The following NELL1 variants were observed in gnomAD, a reference collection of about 807,000 sequenced individuals.
The protein encoded by NELL1 is neural EGFL like 1.
Under a neutral mutation model 107.4 loss-of-function variants are expected in NELL1, and 76 were observed. That is an observed-to-expected ratio of 0.71 (90% CI 0.59 to 0.86). NELL1 has a LOEUF of 0.86. Ranked by LOEUF, NELL1 falls within the 40% of genes least tolerant of loss-of-function variation. The pLI is 0.00. For synonymous variants in NELL1, 353 were observed against 341.2 expected, an observed-to-expected ratio of 1.03 and a Z score of -0.38; for missense variants, 1,024 against 1,005.5, an observed-to-expected ratio of 1.02 and a Z score of -0.25.
chr11:20,801,110 G>C (rs1257568746), intron 3 of NELL1, among the ~76,000 whole-genome samples: 4 of 152,140 alleles, frequency 2.6e-5, no homozygotes, highest in Non-Finnish European at 4.4e-5. Flanking sequence ...TCACCATAAG[G>C]TCATGTGTCA....
chr11:21,322,235 T>C (rs1850027783), intron 14 of NELL1, among the ~76,000 whole-genome samples: 1 of 152,182 alleles, frequency 6.6e-6, no homozygotes, highest in African/African-American at 2.4e-5. Flanking sequence ...TAAAAGACCC[T>C]GCTTCATGTC....
At chr11:20,749,540 G>A (rs1403671566) in intron 2 of NELL1, among the ~76,000 whole-genome samples, 2 of 152,122 alleles carry the variant, frequency 1.3e-5, no homozygotes, top group African/African-American at 4.8e-5. Context: ...GGTTGAGGCT[G>A]CAGTAAGCTG....
intron 12 of NELL1, among the ~76,000 whole-genome samples, chr11:21,101,594 GATGA>G (rs1323639537): frequency 6.6e-6 from 1 of 151,684 alleles, no homozygotes; most frequent in Non-Finnish European, 1.5e-5. Flanking sequence ...GGCCAGTGAT[GATGA>G]GCATTTTTTC....
chr11:21,340,597 G>C (rs1233619642), intron 14 of NELL1, among the ~76,000 whole-genome samples: 2 of 150,114 alleles, frequency 1.3e-5, no homozygotes, highest in African/African-American at 4.9e-5. Flanking sequence ...GGTAGGGTGG[G>C]CACCTAACCC....
intron 12 of NELL1, among the ~76,000 whole-genome samples, chr11:21,042,442 C>T (rs571591958): frequency 6.6e-6 from 1 of 152,224 alleles, no homozygotes; most frequent in South Asian, 2.1e-4. Flanking sequence ...GGACAAGGGG[C>T]TAAGAAAATG....
At chr11:21,402,553 T>C (rs565773655) in intron 15 of NELL1, among the ~76,000 whole-genome samples, 1 of 151,816 alleles carries the variant, frequency 6.6e-6, no homozygotes, top group African/African-American at 2.4e-5. Flanking sequence ...TTGCCAAGTA[T>C]GATCATAAGG....
intron 15 of NELL1, among the ~76,000 whole-genome samples, chr11:21,509,955 T>G (rs2133943109): frequency 6.6e-6 from 1 of 152,304 alleles, no homozygotes; most frequent in South Asian, 2.1e-4. Context: ...CTATTACCAT[T>G]TATATTTTTA....
intron 12 of NELL1, among the ~76,000 whole-genome samples, chr11:21,008,642 A>T (rs1460740677): frequency 6.6e-6 from 1 of 152,078 alleles, no homozygotes; most frequent in Non-Finnish European, 1.5e-5. Context: ...TGGGAGAGAT[A>T]ATTATAGGGA....
rs549465298 is a variant in NELL1, at chr11:21,369,103, A to G, written c.1550-1750A>G. Among the ~76,000 whole-genome samples the G allele has an allele frequency of 6.6e-5, 10 of 152,230 alleles. No individual in the cohort carries two copies. The South Asian group carries it at 1.9e-3, about 28-fold the overall frequency. On this transcript the variant is annotated intron_variant, in intron 14 of 19. Coordinates refer to ENST00000357134, the MANE Select transcript of NELL1 (RefSeq NM_006157.5). ...GGTCTGCAAAACTTAGATGAAGTGC[A>G]GTTTCAACTCTGCACTAAAGAAACC...
intron 2 of NELL1, chr11:20,770,790 A>C (rs997928293): frequency 2.0e-5 from 3 of 152,206 alleles, no homozygotes; most frequent in Admixed American, 2.0e-4. Flanking sequence ...GGTGGTGAGC[A>C]TGAGGGTAGC....
intron 9 of NELL1, among the ~76,000 whole-genome samples, chr11:20,929,819 A>T (rs943146110): frequency 1.3e-5 from 2 of 152,034 alleles, no homozygotes; most frequent in African/African-American, 2.4e-5. Flanking sequence ...TAAAAATACA[A>T]AAATTAGCTG....
chr11:21,523,183 T>C (rs958877614), intron 15 of NELL1, among the ~76,000 whole-genome samples: 1 of 152,084 alleles, frequency 6.6e-6, no homozygotes, highest in African/African-American at 2.4e-5. Flanking sequence ...ATAGCTATTC[T>C]AGTTTTCTTA....
chr11:21,026,762 T>C (rs893142787), intron 12 of NELL1, among the ~76,000 whole-genome samples: 1 of 152,136 alleles, frequency 6.6e-6, no homozygotes, highest in Non-Finnish European at 1.5e-5. Flanking sequence ...CCGTGATCCT[T>C]TGAGTTAAGT....
intron 13 of NELL1, among the ~76,000 whole-genome samples, chr11:21,137,896 T>C (rs1479242635): frequency 6.6e-6 from 1 of 152,204 alleles, no homozygotes; most frequent in Non-Finnish European, 1.5e-5. Flanking sequence ...CAGTACATTT[T>C]CTGTAACATA....
chr11:21,523,504 A>G (rs975390444), intron 15 of NELL1, among the ~76,000 whole-genome samples: 4 of 152,218 alleles, frequency 2.6e-5, no homozygotes, highest in East Asian at 1.9e-4. Context: ...ACCAGGCTCT[A>G]TTACCTCTAA....
chr11:21,213,292 C>T (rs564670763), intron 13 of NELL1, among the ~76,000 whole-genome samples: 2 of 152,048 alleles, frequency 1.3e-5, no homozygotes, highest in African/African-American at 4.8e-5. Context: ...GTAAAGATGT[C>T]AATTCTCCAT....
intron 12 of NELL1, among the ~76,000 whole-genome samples, chr11:21,068,738 A>G (rs148900935): frequency 3.5e-4 from 53 of 152,292 alleles, no homozygotes; most frequent in South Asian, 4.1e-4. Context: ...AGTGCCTCCA[A>G]TAGCTGTGCA....
intron 13 of NELL1, among the ~76,000 whole-genome samples, chr11:21,212,307 C>G (rs1857515018): frequency 6.6e-6 from 1 of 152,090 alleles, no homozygotes; most frequent in Non-Finnish European, 1.5e-5. Flanking sequence ...ATAGTATGAG[C>G]ATAATAAATG....
At chr11:21,211,983 A>G (rs1244598479) in intron 13 of NELL1, among the ~76,000 whole-genome samples, 4 of 151,900 alleles carry the variant, frequency 2.6e-5, no homozygotes, top group Admixed American at 2.6e-4. Flanking sequence ...ATGCCACCAC[A>G]CCTGGCTAAT....
Sources: gnomAD v4.1 joint callset for allele counts (sites outside exome capture counted in the v4.1 genomes callset) on GRCh38, gnomAD v4.1.1 for gene constraint, MANE v1.5 for transcripts, NCBI Gene and HGNC (gene_info 2026-07-23, HGNC 2026-07-21) for gene names.